The following VWC2L variants were observed in gnomAD, a reference collection of about 807,000 sequenced individuals.
The protein encoded by VWC2L is von Willebrand factor C domain-containing protein 2-like.
In VWC2L, 10 loss-of-function variants were observed where a neutral mutation model predicts 21.6. The ratio of observed to expected loss-of-function variants is 0.46; its 90% confidence interval spans 0.29 to 0.78. VWC2L has a LOEUF of 0.78. Ranked by LOEUF, VWC2L falls within the 30% of genes least tolerant of loss-of-function variation. VWC2L has a pLI of 0.10. For missense variants in VWC2L, 209 were observed against 277.1 expected (o/e 0.75, Z 1.74); for synonymous variants, 96 against 94.3 (o/e 1.02, Z -0.10).
intron 3 of VWC2L, among the ~76,000 whole-genome samples, chr2:214,496,270 ACT>A (rs1210287802): frequency 6.6e-6 from 1 of 151,894 alleles, no homozygotes; most frequent in African/African-American, 2.4e-5. Flanking sequence ...CATATAAGTA[ACT>A]CATCAGTGAC....
chr2:214,525,651 C>A (rs1453389208), intron 3 of VWC2L, among the ~76,000 whole-genome samples: 1 of 152,178 alleles, frequency 6.6e-6, no homozygotes, highest in Non-Finnish European at 1.5e-5. Flanking sequence ...CACATCCCTA[C>A]CATGCTCCCA....
chr2:214,522,597 A>G (rs1241249838), intron 3 of VWC2L, among the ~76,000 whole-genome samples: 1 of 152,074 alleles, frequency 6.6e-6, no homozygotes, highest in Non-Finnish European at 1.5e-5. Context: ...TCTAGTCTTT[A>G]CATACATATA....
At chr2:214,437,750 C>T (rs1029197569) in intron 3 of VWC2L, among the ~76,000 whole-genome samples, 3 of 151,960 alleles carry the variant, frequency 2.0e-5, no homozygotes, top group Non-Finnish European at 4.4e-5. Flanking sequence ...TAAAAATAAG[C>T]ATAAAGATAT....
chr2:214,572,660 CATTTTAAA>C (rs1690166981), intron 3 of VWC2L, among the ~76,000 whole-genome samples: 1 of 152,166 alleles, frequency 6.6e-6, no homozygotes, highest in Non-Finnish European at 1.5e-5. Context: ...AAACCAGAAT[CATTTTAAA>C]TAGTGCCAAC....
intron 3 of VWC2L, among the ~76,000 whole-genome samples, chr2:214,503,617 T>C (rs1688926087): frequency 6.6e-6 from 1 of 152,068 alleles, no homozygotes; most frequent in African/African-American, 2.4e-5. Context: ...AAAGCAGTGA[T>C]TGTTGAGTAG....
At position 214,449,740 on chromosome 2, in the gene VWC2L, G is replaced by A. The variant is rs1226732832; in HGVS notation, c.520+12982G>A. 3.3e-5 allele frequency among the ~76,000 whole-genome samples: 5 copies of A among 152,094 alleles called. No individual in the cohort carries two copies. In the South Asian group the frequency reaches 1.0e-3, roughly 32 times the overall value. On this transcript the variant is annotated intron_variant, in intron 3 of 3. Transcript: ENST00000312504. The stretch of plus-strand genomic sequence containing the variant: ...GTTGGATACCCCTCAATTGAGAAAG[G>A]GGAAATAGGAAGTTCCTGCATACAT...
rs1028690655 is a variant in VWC2L at position 214,555,804 on chromosome 2, T to C, written c.521-19868T>C. On this transcript the variant is annotated intron_variant, in intron 3 of 3. Coordinates refer to ENST00000312504, the MANE Select transcript of VWC2L (RefSeq NM_001080500.4). ...TGTACTTTATTTATTTGCTCATTAG[T>C]GTATGAAGCTGTTTTCCTATTTTCA... Among the ~76,000 whole-genome samples the C allele has an allele frequency of 7.9e-5, 12 of 152,210 alleles. No individual in the cohort carries two copies. In the East Asian group the frequency reaches 2.3e-3, roughly 29 times the overall value.
At chr2:214,461,098 G>A (rs1464760977) in intron 3 of VWC2L, among the ~76,000 whole-genome samples, 1 of 152,236 alleles carries the variant, frequency 6.6e-6, no homozygotes, top group Non-Finnish European at 1.5e-5. Context: ...GTGAGGCTTT[G>A]TTAGGAATGG....
chr2:214,481,898 G>A (rs1026166193), intron 3 of VWC2L, among the ~76,000 whole-genome samples: 2 of 152,122 alleles, frequency 1.3e-5, no homozygotes, highest in Non-Finnish European at 2.9e-5. Context: ...AGATACTGGT[G>A]CCTAGTATAA....
intron 3 of VWC2L, among the ~76,000 whole-genome samples, chr2:214,518,645 A>G (rs563520527): frequency 1.3e-5 from 2 of 152,194 alleles, no homozygotes; most frequent in South Asian, 2.1e-4. Context: ...GGATTTTTCT[A>G]CTTTCGAATA....
chr2:214,558,340 T>G (rs1449714545), intron 3 of VWC2L, among the ~76,000 whole-genome samples: 1 of 152,162 alleles, frequency 6.6e-6, no homozygotes, highest in Non-Finnish European at 1.5e-5. Context: ...TTCCAGGGGT[T>G]CCACCTCTCT....
Position 214,423,198 on chromosome 2 carries a change from T to A in VWC2L, c.390+8615T>A, listed in dbSNP as rs562328743. 3.0e-4 allele frequency among the ~76,000 whole-genome samples: 45 copies of A among 152,262 alleles called. No individual in the cohort carries two copies. The Middle Eastern group carries it at 0.01, about 35-fold the overall frequency. On this transcript the variant is annotated intron_variant, in intron 2 of 3. Coordinates refer to ENST00000312504, the MANE Select transcript of VWC2L (RefSeq NM_001080500.4). ...TTTCTAGTATCTGCATTTATATAAA[T>A]TTTTCTGTTTGTAAAAAGGCAGGCA...
chr2:214,420,897 G>A (rs1702428106), intron 2 of VWC2L, among the ~76,000 whole-genome samples: 2 of 152,276 alleles, frequency 1.3e-5, no homozygotes, highest in Non-Finnish European at 2.9e-5. Context: ...GAGTTAAAAG[G>A]AATGCCTTCC....
chr2:214,557,834 T>C (rs1044750862), intron 3 of VWC2L, among the ~76,000 whole-genome samples: 32 of 152,320 alleles, frequency 2.1e-4, no homozygotes, highest in Admixed American at 7.2e-4. Flanking sequence ...CTAGTCTCCC[T>C]AGCCATTCTC....
chr2:214,507,787 GCT>G (rs1559311991), intron 3 of VWC2L, among the ~76,000 whole-genome samples: 1 of 152,162 alleles, frequency 6.6e-6, no homozygotes, highest in Non-Finnish European at 1.5e-5. Flanking sequence ...CCTCAAGCAG[GCT>G]CTGTTTTCCG....
chr2:214,443,994 G>A (rs1210512119), intron 3 of VWC2L, among the ~76,000 whole-genome samples: 2 of 152,040 alleles, frequency 1.3e-5, no homozygotes, highest in Non-Finnish European at 2.9e-5. Flanking sequence ...GGTACAAAAT[G>A]AACGTGCAGA....
At chr2:214,451,359 G>C (rs1702952873) in intron 3 of VWC2L, among the ~76,000 whole-genome samples, 1 of 150,470 alleles carries the variant, frequency 6.6e-6, no homozygotes, top group African/African-American at 2.4e-5. Flanking sequence ...ATGACTACCT[G>C]TGAGAATGTT....
chr2:214,516,387 C>A (rs1405960570), intron 3 of VWC2L, among the ~76,000 whole-genome samples: 1 of 152,130 alleles, frequency 6.6e-6, no homozygotes, highest in Admixed American at 6.5e-5. Flanking sequence ...TGCTATGAGG[C>A]TCCTTCAAGA....
chr2:214,443,334 T>C (rs1702789739), intron 3 of VWC2L, among the ~76,000 whole-genome samples: 1 of 151,896 alleles, frequency 6.6e-6, no homozygotes, highest in Non-Finnish European at 1.5e-5. Flanking sequence ...ATCACGCCCT[T>C]GCACTACAGC....
Sources: gnomAD v4.1 joint callset for allele counts (sites outside exome capture counted in the v4.1 genomes callset) on GRCh38, gnomAD v4.1.1 for gene constraint, MANE v1.5 for transcripts, NCBI Gene and HGNC (gene_info 2026-07-23, HGNC 2026-07-21) for gene names.